Variants in STAT4 observed in about 807,000 individuals in gnomAD.
STAT4 encodes signal transducer and activator of transcription 4.
STAT4 carries 42 observed loss-of-function variants against 110.5 expected under a neutral mutation model. That is an observed-to-expected ratio of 0.38 (90% CI 0.30 to 0.49). The LOEUF (loss-of-function observed/expected upper bound fraction) is 0.49. STAT4 is among the 20% of genes least tolerant of loss of function. The pLI is 0.95. For missense variants in STAT4, 632 were observed against 887.9 expected, an observed-to-expected ratio of 0.71 and a Z score of 3.66; for synonymous variants, 284 against 302.2, an observed-to-expected ratio of 0.94 and a Z score of 0.63.
rs147085456 is a variant in STAT4, at chr2:191,053,769, C to T, written c.1251+721G>A. ...ACTGACTAAAGAAACTATGGCACAC[C>T]TATAAAATGTAATGTAATGCAAGCA... On this transcript the variant is annotated intron_variant, in intron 14 of 23. Coordinates refer to ENST00000392320, the MANE Select transcript of STAT4 (RefSeq NM_003151.4). The surrounding 1 kb of genome is among the most constrained non-coding windows in gnomAD (Gnocchi z 4.5). Among the ~76,000 whole-genome samples, 149 of 152,256 alleles carry T rather than the reference C, an allele frequency of 9.8e-4. No homozygotes were observed. Among genetic ancestry groups the T allele is most frequent in the African/African-American group, 2.9e-3 (120 of 41,546 alleles).
At chr2:191,092,661 A>G (rs1439953510) in intron 3 of STAT4, among the ~76,000 whole-genome samples, 5 of 152,154 alleles carry the variant, frequency 3.3e-5, no homozygotes, top group African/African-American at 9.7e-5. Flanking sequence ...TGCATTTCCA[A>G]TGGAGGTACC....
intron 3 of STAT4, chr2:191,131,821 T>G (rs1344531775): frequency 7.1e-7 from 1 of 1,416,716 alleles, no homozygotes; most frequent in Non-Finnish European, 9.2e-7. Flanking sequence ...AGCTAAGTCC[T>G]AGGGACAAGA....
Position 191,060,083 on chromosome 2 carries a change from G to T in STAT4, c.1035-1314C>A, listed in dbSNP as rs993848147. On this transcript the variant is annotated intron_variant, in intron 10 of 23. Coordinates refer to ENST00000392320, the MANE Select transcript of STAT4 (RefSeq NM_003151.4). This position sits in a 1 kb window ranked among gnomAD's most constrained non-coding sequence, Gnocchi z 4.5. The stretch of plus-strand genomic sequence containing the variant: ...TGGGGAATAGGGTGCAGAGGAGGAG[G>T]ATGGGTACCCAATAGGTAGAAGAGG... Among the ~76,000 whole-genome samples, 27 of 152,168 alleles carry T rather than the reference G, an allele frequency of 1.8e-4. No homozygotes were observed. Among genetic ancestry groups the T allele is most frequent in the African/African-American group, 6.5e-4 (27 of 41,442 alleles).
intron 3 of STAT4, among the ~76,000 whole-genome samples, chr2:191,132,937 G>C (rs545085858): frequency 6.6e-6 from 1 of 151,312 alleles, no homozygotes; most frequent in Admixed American, 6.6e-5. Flanking sequence ...TGTATTTTTA[G>C]TAGAGACGGG....
chr2:191,117,583 C>A lies in STAT4; in HGVS notation c.273+29030G>T, dbSNP rs772170391. Among the ~76,000 whole-genome samples, 1 of 152,036 alleles carries A rather than the reference C, an allele frequency of 6.6e-6. No individual in the cohort carries two copies. Among genetic ancestry groups the A allele is most frequent in the Non-Finnish European group, 1.5e-5 (1 of 68,018 alleles). On this transcript the variant is annotated intron_variant, in intron 3 of 23. Transcript: ENST00000392320. The surrounding 1 kb of genome is among the most constrained non-coding windows in gnomAD (Gnocchi z 5.2). ...GTGGGAGTGCAGAGGAGAGAAAACT[C>A]GATGTGGATTTTAATGACACATAGA... is the stretch of plus-strand genomic sequence containing the variant.
At chr2:191,041,591 A>G (rs1338808667) in intron 14 of STAT4, 1 of 152,238 alleles carries the variant, frequency 6.6e-6, no homozygotes, top group Non-Finnish European at 1.5e-5. Flanking sequence ...TGGTAGGTGG[A>G]GTACATGTAT....
At chr2:191,073,043 T>C in intron 5 of STAT4, 55 bp downstream of exon 5, 8 of 1,466,860 alleles carry the variant, frequency 5.5e-6, no homozygotes, top group Non-Finnish European at 7.6e-6. Flanking sequence ...GAATGGTGCA[T>C]AGTTATATGG....
Position 191,031,078 on chromosome 2 carries a change from C to A in STAT4, c.2114G>T (p.Arg705Leu). The change falls in exon 23 of 24, where the codon CGA becomes CTA. Residue 705 changes from arginine (R) to leucine (L), a missense_variant and splice_region_variant. Physicochemically the swap from Arg to Leu is moderately radical, Grantham distance 102. Coordinates refer to ENST00000392320, the MANE Select transcript of STAT4 (RefSeq NM_003151.4). This position sits in a 1 kb window ranked among gnomAD's most constrained non-coding sequence, Gnocchi z 4.8. ...PSVFIPISTI[R>L]SDSTEPHSPS... ...AGAATGTGGCTCTGTTGAATCACTT[C>A]GGCTTAAAGAGATAACAAGGTCAAT... The A allele has an allele frequency of 6.2e-7, 1 of 1,613,734 alleles. No individual in the cohort carries two copies. Among genetic ancestry groups the A allele is most frequent in the Non-Finnish European group, 8.5e-7 (1 of 1,179,752 alleles).
intron 8 of STAT4, 104 bp from the exon 9 acceptor site, chr2:191,063,024 TATTAA>T: frequency 3.4e-6 from 3 of 872,358 alleles, no homozygotes; most frequent in South Asian, 3.2e-5. Flanking sequence ...ATTAAGTAAT[TATTAA>T]ATTAATTAAA....
At position 191,146,341 on chromosome 2, in the gene STAT4, C is replaced by A. The variant is rs1319487000; in HGVS notation, c.273+272G>T. 6.6e-6 allele frequency among the ~76,000 whole-genome samples: 1 copy of A among 152,068 alleles called. No homozygotes were observed. The highest frequency in any genetic ancestry group is 1.5e-5 in the Non-Finnish European group (1 of 68,008). On this transcript the variant is annotated intron_variant, in intron 3 of 23. Coordinates refer to ENST00000392320, the MANE Select transcript of STAT4 (RefSeq NM_003151.4). The surrounding 1 kb of genome is among the most constrained non-coding windows in gnomAD (Gnocchi z 4.5). Reference sequence around the variant, plus strand: ...CTGTGGTCTGGTCAGTGTTGTTGAACTGAATCATAGCTAGTAAACAAGATA... The same window carrying A: ...CTGTGGTCTGGTCAGTGTTGTTGAAATGAATCATAGCTAGTAAACAAGATA...
Position 191,142,180 on chromosome 2 carries a change from T to C in STAT4, c.273+4433A>G, listed in dbSNP as rs73052586. ...GATTTGGAATCAACCTAAGTGTCCA[T>C]TGATGGAAGAATGGATAAAGAAAAT... On this transcript the variant is annotated intron_variant, in intron 3 of 23. Coordinates refer to ENST00000392320, the MANE Select transcript of STAT4 (RefSeq NM_003151.4). The surrounding 1 kb of genome is among the most constrained non-coding windows in gnomAD (Gnocchi z 4.1). Among the ~76,000 whole-genome samples the C allele has an allele frequency of 0.037, 5,554 of 152,004 alleles. 333 individuals carry two copies. The highest frequency in any genetic ancestry group is 0.13 in the African/African-American group (5,276 of 41,424).
rs771468980 is a variant in STAT4, at chr2:191,041,021, TG to T, written c.1335+43del. ...ACATCTATTAATGCTGACCAATTCT[TG>T]CAAATGCCATTAGTAAATAGTGTAT... On this transcript the variant is annotated intron_variant, in intron 15 of 23. Coordinates refer to ENST00000392320, the MANE Select transcript of STAT4 (RefSeq NM_003151.4). The T allele has an allele frequency of 1.9e-5, 24 of 1,288,512 alleles. No individual in the cohort carries two copies. The South Asian group carries it at 5.5e-4, about 30-fold the overall frequency. The allele number at this position is 1,288,512 out of a possible 1,614,324, so 79.8% of individuals were successfully genotyped here.
At chr2:191,098,621 CG>C (rs1227049424) in intron 3 of STAT4, among the ~76,000 whole-genome samples, 2 of 140,808 alleles carry the variant, frequency 1.4e-5, no homozygotes, top group East Asian at 4.8e-4. Context: ...GGGTGGGGGC[CG>C]GGGGAGGGAT....
Position 191,039,125 on chromosome 2 carries a change from T to A in STAT4, c.1434+74A>T. 3 of 1,339,470 alleles carry A rather than the reference T, an allele frequency of 2.2e-6. No homozygotes were observed. The highest frequency in any genetic ancestry group is 3.2e-6 in the Non-Finnish European group (3 of 930,502). The allele number at this position is 1,339,470 out of a possible 1,614,324, so 83.0% of individuals were successfully genotyped here. A position where few individuals can be genotyped will look rare whatever the true frequency, so the allele number is the denominator to read the frequency against. On this transcript the variant is annotated intron_variant, in intron 16 of 23. Transcript: ENST00000392320. The surrounding 1 kb of genome is among the most constrained non-coding windows in gnomAD (Gnocchi z 4.7). ...ACACCCCACTGGCACACACATGTTT[T>A]GATGCAGATGTGTTTGTTGGCAATA...
rs1695968640 is a variant in STAT4 at position 191,033,911 on chromosome 2, C to T, written c.1715G>A (p.Gly572Glu). ...KKHILPLWID[G>E]YVMGFVSKEK... ...ATGAAAAATATAGCCTATAACTTACCCATCAATCCAAAGGGGAAGAATGTG... is the reference window on the plus strand; with the variant it reads ...ATGAAAAATATAGCCTATAACTTACTCATCAATCCAAAGGGGAAGAATGTG... The change falls in exon 19 of 24, where the codon GGG (glycine) becomes GAG (glutamate). Residue 572 changes from glycine (G) to glutamate (E), a missense_variant and splice_region_variant. By Grantham distance (98) the Gly-to-Glu change is moderately conservative. Around this residue, in one of 4 missense-constraint regions of STAT4, gnomAD observed 74 missense variants for 154.3 expected, o/e 0.48. Transcript: ENST00000392320. This position sits in a 1 kb window ranked among gnomAD's most constrained non-coding sequence, Gnocchi z 6.9. The T allele has an allele frequency of 6.3e-7, 1 of 1,599,544 alleles. No individual in the cohort carries two copies. Among genetic ancestry groups the T allele is most frequent in the Non-Finnish European group, 8.5e-7 (1 of 1,173,336 alleles).
intron 3 of STAT4, among the ~76,000 whole-genome samples, chr2:191,106,806 C>T (rs1364738871): frequency 1.3e-5 from 2 of 152,110 alleles, no homozygotes; most frequent in South Asian, 2.1e-4. Context: ...GAAGACTGCA[C>T]AATCCTGTAA....
Position 191,031,071 on chromosome 2 carries a change from A to G in STAT4, c.2121T>C (p.Asp707=). The G allele has an allele frequency of 1.9e-6, 3 of 1,613,976 alleles. No individual in the cohort carries two copies. Among genetic ancestry groups the G allele is most frequent in the Non-Finnish European group, 2.5e-6 (3 of 1,179,836 alleles). The change falls in exon 23 of 24, where the codon GAT becomes GAC. Residue 707 remains aspartate, a synonymous_variant. Coordinates refer to ENST00000392320, the MANE Select transcript of STAT4 (RefSeq NM_003151.4). This position sits in a 1 kb window ranked among gnomAD's most constrained non-coding sequence, Gnocchi z 4.8. The part of the protein sequence containing the change: ...VFIPISTIRS[D]STEPHSPSDL... ...CTGATGGAGAATGTGGCTCTGTTGA[A>G]TCACTTCGGCTTAAAGAGATAACAA...
chr2:191,069,744 C>T lies in STAT4; in HGVS notation c.493G>A (p.Glu165Lys), dbSNP rs1697090933. The change falls in exon 6 of 24, where the codon GAA (glutamate) becomes AAA (lysine). Residue 165 changes from glutamate (E) to lysine (K), a missense_variant. This residue lies in a region of STAT4 where 488 missense variants were observed against 632.8 expected (regional missense o/e 0.77). Coordinates refer to ENST00000392320, the MANE Select transcript of STAT4 (RefSeq NM_003151.4). The part of the protein sequence containing the change: ...QMTEQDTKYL[E>K]DLQDEFDYRY... Reference sequence around the variant, plus strand: ...TAGTCAAATTCGTCTTGCAGATCTTCTAAGTATTTGGTATCTTGTTCTGTC... The same window carrying T: ...TAGTCAAATTCGTCTTGCAGATCTTTTAAGTATTTGGTATCTTGTTCTGTC... The T allele has an allele frequency of 6.2e-7, 1 of 1,609,484 alleles. No homozygotes were observed.
chr2:191,088,834 T>A (rs1243147899), intron 3 of STAT4, among the ~76,000 whole-genome samples: 2 of 152,190 alleles, frequency 1.3e-5, no homozygotes, highest in Non-Finnish European at 2.9e-5. Context: ...ACAAAGGTGG[T>A]CTTTTCAACA....
Sources: allele counts gnomAD v4.1 joint callset (sites outside exome capture counted in the v4.1 genomes callset), GRCh38; gene constraint gnomAD v4.1.1; regional missense constraint gnomAD v4.1.1; non-coding constraint Gnocchi (gnomAD v3.1); transcripts MANE v1.5; gene names NCBI Gene and HGNC (gene_info 2026-07-23, HGNC 2026-07-21).